Variants in SMAP1 observed in about 807,000 individuals in gnomAD.
SMAP1 encodes small ArfGAP 1.
Under a neutral mutation model 58.5 loss-of-function variants are expected in SMAP1, and 24 were observed. That is an observed-to-expected ratio of 0.41 (90% CI 0.30 to 0.58). The LOEUF (loss-of-function observed/expected upper bound fraction) is 0.58. Among genes scored for constraint, SMAP1 ranks in the 20% least tolerant of loss-of-function variants. SMAP1 has a pLI of 0.29. For missense variants in SMAP1, 563 were observed against 566.3 expected (o/e 0.99, Z 0.06); for synonymous variants, 216 against 196.6 (o/e 1.10, Z -0.82).
intron 4 of SMAP1, among the ~76,000 whole-genome samples, chr6:70,789,252 T>C (rs1424942392): frequency 6.6e-6 from 1 of 152,200 alleles, no homozygotes. Context: ...TTTTTACAAA[T>C]ACATATCGCT....
chr6:70,858,379 A>G (rs1432055848), intron 10 of SMAP1, 150 bp downstream of exon 10: 18 of 623,192 alleles, frequency 2.9e-5, no homozygotes, highest in Non-Finnish European at 4.6e-5. Context: ...AAAAGTATCT[A>G]TAAATATTAT....
Position 70,668,009 on chromosome 6 carries a change from C to T in SMAP1, c.-15C>T. On this transcript the variant is annotated 5_prime_UTR_variant, in exon 1 of 11. Coordinates refer to ENST00000370455, the MANE Select transcript of SMAP1 (RefSeq NM_001044305.3). ...GCCGCCGTAGCTGCCCCAGGCTCCCCGCCCCGCTGCCGAGATGGCGACGCG... is the reference window on the plus strand; with the variant it reads ...GCCGCCGTAGCTGCCCCAGGCTCCCTGCCCCGCTGCCGAGATGGCGACGCG... 3 of 1,577,984 alleles carry T rather than the reference C, an allele frequency of 1.9e-6. No individual in the cohort carries two copies. The highest frequency in any genetic ancestry group is 1.1e-5 in the South Asian group (1 of 87,426).
At position 70,860,311 on chromosome 6, in the gene SMAP1, C is replaced by CT. The variant is rs2150017972; in HGVS notation, c.1382dup (p.Ser462GlnfsTer20). On this transcript the variant is annotated frameshift_variant, in exon 11 of 11. Coordinates refer to ENST00000370455, the MANE Select transcript of SMAP1 (RefSeq NM_001044305.3). LOFTEE classifies it high-confidence loss of function. ...GTCTGGAAGCTCATCAGGTCAGACT[C>CT]TCAGCACACAACTGTGGAAATGAAA... The CT allele has an allele frequency of 6.2e-7, 1 of 1,612,608 alleles. No homozygotes were observed. Among genetic ancestry groups the CT allele is most frequent in the East Asian group, 2.2e-5 (1 of 44,846 alleles).
chr6:70,810,046 G>T (rs1769319240), intron 6 of SMAP1, among the ~76,000 whole-genome samples: 1 of 152,146 alleles, frequency 6.6e-6, no homozygotes, highest in African/African-American at 2.4e-5. Context: ...TCTGAAGCAG[G>T]AAAGATTACA....
chr6:70,685,630 C>T (rs899353052), intron 1 of SMAP1, among the ~76,000 whole-genome samples: 64 of 152,254 alleles, frequency 4.2e-4, no homozygotes, highest in Admixed American at 1.1e-3. Context: ...ATGCTTTGTA[C>T]GTACCTTTCT....
intron 1 of SMAP1, 30 bp from the exon 2 acceptor site, chr6:70,732,347 CT>C (rs763320569): frequency 3.0e-5 from 48 of 1,582,834 alleles, no homozygotes; most frequent in South Asian, 1.1e-4. Context: ...TTAACATTTG[CT>C]TTTTTTTGTG....
intron 1 of SMAP1, among the ~76,000 whole-genome samples, chr6:70,679,140 C>A (rs1342462979): frequency 2.0e-5 from 3 of 151,828 alleles, no homozygotes; most frequent in African/African-American, 7.3e-5. Flanking sequence ...TCTCCTGTCT[C>A]AGCCTCTGGA....
At chr6:70,815,299 A>G (rs1392218378) in intron 6 of SMAP1, among the ~76,000 whole-genome samples, 2 of 152,184 alleles carry the variant, frequency 1.3e-5, no homozygotes, top group Non-Finnish European at 2.9e-5. Flanking sequence ...GTAGTTGTAT[A>G]AAATACAATA....
intron 6 of SMAP1, among the ~76,000 whole-genome samples, chr6:70,810,220 G>C (rs938942690): frequency 6.6e-6 from 1 of 151,994 alleles, no homozygotes; most frequent in African/African-American, 2.4e-5. Context: ...TCAGGCATGC[G>C]TAGAACTCCT....
intron 7 of SMAP1, among the ~76,000 whole-genome samples, chr6:70,848,072 T>C: frequency 6.6e-6 from 1 of 152,226 alleles, no homozygotes; most frequent in African/African-American, 2.4e-5. Context: ...CATCTTGGTA[T>C]TTTCTTGATT....
At chr6:70,717,021 C>G (rs1768302765) in intron 1 of SMAP1, among the ~76,000 whole-genome samples, 1 of 152,132 alleles carries the variant, frequency 6.6e-6, no homozygotes, top group Non-Finnish European at 1.5e-5. Context: ...GTTAGGCCAG[C>G]CAGAGTTTCT....
At chr6:70,754,099 C>A (rs1330306476) in intron 2 of SMAP1, among the ~76,000 whole-genome samples, 12 of 151,952 alleles carry the variant, frequency 7.9e-5, no homozygotes, top group Non-Finnish European at 1.5e-5. Context: ...GTCTGGGAAA[C>A]AGGAAGAAAA....
At chr6:70,766,493 G>A (rs569414952) in intron 3 of SMAP1, among the ~76,000 whole-genome samples, 1 of 152,152 alleles carries the variant, frequency 6.6e-6, no homozygotes, top group African/African-American at 2.4e-5. Context: ...TCACTGACAG[G>A]CAGTGATGGT....
At chr6:70,715,448 G>C (rs933678243) in intron 1 of SMAP1, among the ~76,000 whole-genome samples, 1 of 152,120 alleles carries the variant, frequency 6.6e-6, no homozygotes, top group African/African-American at 2.4e-5. Context: ...CCTGAATCTG[G>C]ATTTGTATTT....
intron 1 of SMAP1, among the ~76,000 whole-genome samples, chr6:70,695,709 C>T (rs557866329): frequency 3.3e-5 from 5 of 152,172 alleles, no homozygotes; most frequent in South Asian, 2.1e-4. Context: ...AGGATTTTTG[C>T]GCCAGTGTTC....
rs758057208 is a variant in SMAP1 at position 70,780,971 on chromosome 6, C to T, written c.414+7546C>T. Among the ~76,000 whole-genome samples, 178 of 152,278 alleles carry T rather than the reference C, an allele frequency of 1.2e-3. 1 individual carries two copies. The highest frequency in any genetic ancestry group is 8.1e-4 in the Non-Finnish European group (55 of 68,032). On this transcript the variant is annotated intron_variant, in intron 4 of 10. Transcript: ENST00000370455. ...TCTATTCTTATTAGGGTGCCTAGCA[C>T]ATAACCACTTGCAATATAAGCTATT...
chr6:70,714,224 A>C (rs1768172695), intron 1 of SMAP1, among the ~76,000 whole-genome samples: 1 of 151,892 alleles, frequency 6.6e-6, no homozygotes, highest in African/African-American at 2.4e-5. Context: ...TAGTCCATTT[A>C]CATTTAAAGT....
chr6:70,688,061 T>C (rs1712916850), intron 1 of SMAP1, among the ~76,000 whole-genome samples: 1 of 151,904 alleles, frequency 6.6e-6, no homozygotes, highest in Admixed American at 6.5e-5. Context: ...AATCATGCAA[T>C]ATGTAACCTT....
intron 2 of SMAP1, among the ~76,000 whole-genome samples, chr6:70,747,348 G>A (rs985060139): frequency 6.6e-6 from 1 of 152,198 alleles, no homozygotes; most frequent in African/African-American, 2.4e-5. Flanking sequence ...GTGGAAGAAA[G>A]CATGTCGTGT....
Sources: allele counts gnomAD v4.1 joint callset (sites outside exome capture counted in the v4.1 genomes callset), GRCh38; gene constraint gnomAD v4.1.1; transcripts MANE v1.5; gene names NCBI Gene and HGNC (gene_info 2026-07-23, HGNC 2026-07-21).